The following SLC8A3 variants were observed in gnomAD, a reference collection of about 807,000 sequenced individuals.
SLC8A3 encodes solute carrier family 8 member A3, also known as sodium/calcium exchanger 3.
SLC8A3 carries 37 observed loss-of-function variants against 65.4 expected under a neutral mutation model. The ratio of observed to expected loss-of-function variants is 0.57; its 90% CI spans 0.44 to 0.74. The LOEUF is 0.74. SLC8A3 is among the 30% of genes least tolerant of loss of function. SLC8A3 has a pLI of 0.00. For missense variants in SLC8A3, 1,112 were observed against 1,172.1 expected, an observed-to-expected ratio of 0.95 and a Z score of 0.75; for synonymous variants, 461 against 444.5, an observed-to-expected ratio of 1.04 and a Z score of -0.47.
chr14:70,081,140 G>A (rs191605541), intron 2 of SLC8A3, among the ~76,000 whole-genome samples: 14 of 152,310 alleles, frequency 9.2e-5, no homozygotes, highest in South Asian at 2.1e-4. Flanking sequence ...AAGTTGAAGT[G>A]GAGAATCTCC....
chr14:70,062,121 G>T (rs1261176866), intron 2 of SLC8A3, among the ~76,000 whole-genome samples: 1 of 3,888 alleles, frequency 2.6e-4, no homozygotes, highest in African/African-American at 7.2e-4. Context: ...GGGGGGCGGG[G>T]GGGAGATTGG....
chr14:70,071,598 T>C (rs770522652), intron 2 of SLC8A3, among the ~76,000 whole-genome samples: 3 of 152,186 alleles, frequency 2.0e-5, no homozygotes, highest in Non-Finnish European at 2.9e-5. Flanking sequence ...TGAATAAGGT[T>C]GGAAGCGTAT....
intron 1 of SLC8A3, among the ~76,000 whole-genome samples, chr14:70,178,624 A>G (rs1882449819): frequency 6.6e-6 from 1 of 152,244 alleles, no homozygotes; most frequent in Non-Finnish European, 1.5e-5. Context: ...AGTGGCTACA[A>G]GAAAGCATGA....
At chr14:70,075,645 T>C (rs1194986344) in intron 2 of SLC8A3, among the ~76,000 whole-genome samples, 1 of 152,176 alleles carries the variant, frequency 6.6e-6, no homozygotes, top group Non-Finnish European at 1.5e-5. Context: ...CCTGGCCTCT[T>C]GCAATAACCA....
Position 70,166,816 on chromosome 14 carries a change from C to T in SLC8A3, c.1607G>A (p.Cys536Tyr). Residue 536 changes from cysteine to tyrosine, a missense_variant, in exon 2 of 7, where the codon TGT (cysteine) becomes TAT (tyrosine). Transcript: ENST00000356921. ...ACTCTCACTGACATGAATAGTATCA[C>T]ATTCAAAAGTGAAGATGCCTGCATG... ...DDHAGIFTFE[C>Y]DTIHVSESIG... 2 of 1,614,086 alleles carry T rather than the reference C, an allele frequency of 1.2e-6. No homozygotes were observed. The highest frequency in any genetic ancestry group is 2.2e-5 in the South Asian group (2 of 91,072).
rs1428657576 is a variant in SLC8A3 at position 70,188,613 on chromosome 14, T to C, written c.-297A>G. On this transcript the variant is annotated 5_prime_UTR_variant, in exon 1 of 7. Transcript: ENST00000356921. ...GGCAGCGCATCTGGAGCGCGGGGTC[T>C]GGGAGGGAGGGTGTCTGGGGCCAGG... is the stretch of plus-strand genomic sequence containing the variant. 2.6e-5 allele frequency: 4 copies of C among 152,028 alleles called. No homozygotes were observed. The highest frequency in any genetic ancestry group is 9.7e-5 in the African/African-American group (4 of 41,400). 9.4% of individuals were successfully genotyped at this position (152,028 alleles called of 1,614,324 possible).
chr14:70,069,162 G>A (rs1889762527), intron 2 of SLC8A3, among the ~76,000 whole-genome samples: 1 of 152,202 alleles, frequency 6.6e-6, no homozygotes, highest in African/African-American at 2.4e-5. Flanking sequence ...TTCTTATGCA[G>A]GTGGGTAAGC....
chr14:70,048,565 T>C (rs1442337771), intron 6 of SLC8A3: 4 of 674,402 alleles, frequency 5.9e-6, no homozygotes, highest in Non-Finnish European at 1.1e-5. Flanking sequence ...ATGGTGTCTG[T>C]CACATTGAAA....
intron 2 of SLC8A3, among the ~76,000 whole-genome samples, chr14:70,119,873 C>T (rs571440863): frequency 2.0e-5 from 3 of 152,324 alleles, no homozygotes; most frequent in East Asian, 1.9e-4. Flanking sequence ...AGACCAATAA[C>T]GATTCAGGCT....
intron 4 of SLC8A3, among the ~76,000 whole-genome samples, chr14:70,051,440 G>A (rs1427450339): frequency 6.6e-6 from 1 of 152,066 alleles, no homozygotes. Context: ...CCACAGGCAT[G>A]TACAACCACA....
chr14:70,048,198 G>C (rs956542254), intron 6 of SLC8A3: 1 of 168,952 alleles, frequency 5.9e-6, no homozygotes, highest in African/African-American at 2.4e-5. Flanking sequence ...ACTTCCTTTG[G>C]CTGTCCTGCT....
chr14:70,167,897 A>G lies in SLC8A3; in HGVS notation c.526T>C (p.Phe176Leu). 1.2e-6 allele frequency: 2 copies of G among 1,614,162 alleles called. No individual in the cohort carries two copies. Among genetic ancestry groups the G allele is most frequent in the Non-Finnish European group, 1.7e-6 (2 of 1,180,030 alleles). Residue 176 changes from phenylalanine (F) to leucine (L), a missense_variant, in exon 2 of 7, where the codon TTC (phenylalanine) becomes CTC (leucine). By Grantham distance (22) the Phe-to-Leu change is conservative (BLOSUM62 0). Coordinates refer to ENST00000356921, the MANE Select transcript of SLC8A3 (RefSeq NM_182932.3). ...GPSTIVGSAA[F>L]NMFIIIGICV... ...ATGCCAATGATGATGAACATGTTGA[A>G]GGCTGCACTCCCTACAATGGTAGAA...
chr14:70,154,105 C>T (rs1268598784), intron 2 of SLC8A3, among the ~76,000 whole-genome samples: 3 of 152,178 alleles, frequency 2.0e-5, no homozygotes, highest in Admixed American at 1.3e-4. Flanking sequence ...GCCCAGTTAC[C>T]CCTATGTTAA....
intron 2 of SLC8A3, among the ~76,000 whole-genome samples, chr14:70,091,431 C>A (rs920555010): frequency 6.6e-6 from 1 of 152,178 alleles, no homozygotes; most frequent in Non-Finnish European, 1.5e-5. Flanking sequence ...TTCCTACAAA[C>A]CCTGGCTCTT....
chr14:70,091,326 A>G (rs1024535189), intron 2 of SLC8A3, among the ~76,000 whole-genome samples: 5 of 152,248 alleles, frequency 3.3e-5, no homozygotes, highest in Non-Finnish European at 7.3e-5. Flanking sequence ...CAATCATTTC[A>G]GCTAAAACAA....
At chr14:70,156,043 G>A (rs1174550761) in intron 2 of SLC8A3, among the ~76,000 whole-genome samples, 1 of 152,160 alleles carries the variant, frequency 6.6e-6, no homozygotes, top group Non-Finnish European at 1.5e-5. Flanking sequence ...CCAATTATCA[G>A]CTAATAACCT....
At position 70,064,024 on chromosome 14, in the gene SLC8A3, G is replaced by C. The variant is rs990035521; in HGVS notation, c.1785-3085C>G. On this transcript the variant is annotated intron_variant, in intron 2 of 6. Transcript: ENST00000356921. ...CGGGAAGAGAAGGAAACAGTTAAAAGATTCAGAAAGATCCAAGTTTGCCCC... is the reference window on the plus strand; with the variant it reads ...CGGGAAGAGAAGGAAACAGTTAAAACATTCAGAAAGATCCAAGTTTGCCCC... 1.3e-5 allele frequency: 9 copies of C among 696,716 alleles called. No individual in the cohort carries two copies. The African/African-American group carries it at 1.6e-4, about 12-fold the overall frequency. The allele number at this position is 696,716 out of a possible 1,614,324, so 43.2% of individuals were successfully genotyped here.
chr14:70,050,946 T>C, intron 5 of SLC8A3, 62 bp downstream of exon 5: 1 of 1,072,448 alleles, frequency 9.3e-7, no homozygotes, highest in Non-Finnish European at 1.5e-6. Context: ...AACGTGGCTT[T>C]ACGCTTCCTT....
At chr14:70,091,263 T>C (rs17107771) in intron 2 of SLC8A3, among the ~76,000 whole-genome samples, 28,667 of 152,202 alleles carry the variant, frequency 0.19, 2,856 homozygotes, top group Non-Finnish European at 0.22. Flanking sequence ...TCTGATTTTA[T>C]AATGGAAACC....
Sources: allele counts gnomAD v4.1 joint callset (sites outside exome capture counted in the v4.1 genomes callset), GRCh38; gene constraint gnomAD v4.1.1; transcripts MANE v1.5; gene names NCBI Gene and HGNC (gene_info 2026-07-23, HGNC 2026-07-21).